Variants in SLC25A26 observed in about 807,000 individuals in gnomAD.
The protein encoded by SLC25A26 is solute carrier family 25 member 26.
SLC25A26 carries 36 observed loss-of-function variants against 37.8 expected under a neutral mutation model. The ratio of observed to expected loss-of-function variants is 0.95; its 90% CI spans 0.73 to 1.26. SLC25A26 has a LOEUF of 1.26. Among genes scored for constraint, SLC25A26 ranks in the 50% most tolerant of loss-of-function variants. SLC25A26 has a pLI of 0.00. For synonymous variants in SLC25A26, 129 were observed against 122.5 expected, an observed-to-expected ratio of 1.05 and a Z score of -0.35; for missense variants, 390 against 331.1, an observed-to-expected ratio of 1.18 and a Z score of -1.38.
At chr3:66,273,147 T>G (rs947600567) in intron 5 of SLC25A26, among the ~76,000 whole-genome samples, 1 of 152,106 alleles carries the variant, frequency 6.6e-6, no homozygotes, top group Non-Finnish European at 1.5e-5. Flanking sequence ...TGAAGCCCAC[T>G]TGATCATGGT....
At chr3:66,348,163 A>G (rs1262407813) in intron 6 of SLC25A26, among the ~76,000 whole-genome samples, 6 of 152,228 alleles carry the variant, frequency 3.9e-5, no homozygotes, top group Admixed American at 6.5e-5. Context: ...AGACATTTTA[A>G]AAAGCCTACA....
At chr3:66,156,134 G>C (rs924287580) in intron 1 of SLC25A26, among the ~76,000 whole-genome samples, 1 of 152,100 alleles carries the variant, frequency 6.6e-6, no homozygotes, top group African/African-American at 2.4e-5. Flanking sequence ...ATTCCAACAG[G>C]GAGGATTGGA....
At chr3:66,345,222 CCT>C (rs1438189960) in intron 5 of SLC25A26, among the ~76,000 whole-genome samples, 1 of 152,126 alleles carries the variant, frequency 6.6e-6, no homozygotes, top group African/African-American at 2.4e-5. Flanking sequence ...CCCACGTCCC[CCT>C]GTGTTTTGTT....
At chr3:66,303,530 C>CT (rs997980738) in intron 5 of SLC25A26, among the ~76,000 whole-genome samples, 18 of 152,302 alleles carry the variant, frequency 1.2e-4, no homozygotes, top group African/African-American at 4.3e-4. Flanking sequence ...ACTTCTGAAA[C>CT]TTTAACTGCC....
intron 1 of SLC25A26, among the ~76,000 whole-genome samples, chr3:66,185,272 A>G (rs2070804138): frequency 6.6e-6 from 1 of 152,226 alleles, no homozygotes; most frequent in Admixed American, 6.5e-5. Context: ...TCCATGTAGT[A>G]GCATGTGTCA....
At chr3:66,293,663 A>G (rs1488956886) in intron 5 of SLC25A26, among the ~76,000 whole-genome samples, 1 of 152,160 alleles carries the variant, frequency 6.6e-6, no homozygotes, top group Non-Finnish European at 1.5e-5. Context: ...TTTCTGCATT[A>G]GTTTGCAAAG....
chr3:66,139,918 T>C (rs1439577788), intron 1 of SLC25A26, among the ~76,000 whole-genome samples: 1 of 152,218 alleles, frequency 6.6e-6, no homozygotes, highest in Non-Finnish European at 1.5e-5. Flanking sequence ...AAGCTTAACC[T>C]AATAGATGTT....
chr3:66,134,153 A>T (rs959209020), intron 1 of SLC25A26, among the ~76,000 whole-genome samples: 2 of 152,190 alleles, frequency 1.3e-5, no homozygotes, highest in African/African-American at 4.8e-5. Context: ...AACTAGTTTG[A>T]CTTGGTCTTT....
chr3:66,208,733 CATTTATATGGGTGTATATATAT>C (rs2071216791), intron 1 of SLC25A26, among the ~76,000 whole-genome samples: 3 of 138,526 alleles, frequency 2.2e-5, no homozygotes, highest in Non-Finnish European at 3.1e-5. Context: ...TATATATACA[CATTTATATGGGTGTATATATAT>C]ATTTATATGG....
At chr3:66,179,364 T>C (rs1487440168) in intron 1 of SLC25A26, among the ~76,000 whole-genome samples, 1 of 152,240 alleles carries the variant, frequency 6.6e-6, no homozygotes, top group Non-Finnish European at 1.5e-5. Context: ...AGTCTTGCTG[T>C]ATCTTCAGAC....
intron 1 of SLC25A26, among the ~76,000 whole-genome samples, chr3:66,141,603 C>A (rs2070035829): frequency 6.6e-6 from 1 of 151,988 alleles, no homozygotes; most frequent in Non-Finnish European, 1.5e-5. Context: ...GCCTCCACTT[C>A]CTGGGTTCAA....
At chr3:66,276,163 AATT>A (rs1360326170) in intron 5 of SLC25A26, among the ~76,000 whole-genome samples, 1 of 152,122 alleles carries the variant, frequency 6.6e-6, no homozygotes, top group Non-Finnish European at 1.5e-5. Context: ...TTTGAATACT[AATT>A]ATGATTGTTA....
chr3:66,172,594 T>A (rs1203575468), intron 1 of SLC25A26, among the ~76,000 whole-genome samples: 5 of 152,142 alleles, frequency 3.3e-5, no homozygotes, highest in Admixed American at 6.5e-5. Context: ...GCCTGGCTGG[T>A]TTAAACAACA....
chr3:66,254,621 G>GT (rs2073229609), intron 3 of SLC25A26, among the ~76,000 whole-genome samples: 1 of 152,246 alleles, frequency 6.6e-6, no homozygotes, highest in East Asian at 1.9e-4. Context: ...CATTAGATGT[G>GT]TGTAAGTATG....
intron 5 of SLC25A26, among the ~76,000 whole-genome samples, chr3:66,266,576 C>CTT (rs1004250488): frequency 0.02 from 2,260 of 111,494 alleles, 40 homozygotes; most frequent in Admixed American, 0.031. Flanking sequence ...TGTTGTCACA[C>CTT]TTTTTTTTTT....
intron 1 of SLC25A26, among the ~76,000 whole-genome samples, chr3:66,229,516 G>A (rs534200958): frequency 3.3e-5 from 5 of 152,250 alleles, no homozygotes; most frequent in African/African-American, 9.6e-5. Context: ...TAAGTGTCTC[G>A]CATTTCCCCT....
chr3:66,202,554 G>GA (rs1376290729), intron 1 of SLC25A26, among the ~76,000 whole-genome samples: 3 of 129,774 alleles, frequency 2.3e-5, no homozygotes, highest in South Asian at 2.5e-4. Context: ...AAAAAGGAAA[G>GA]AAAAAAATCT....
upstream of SLC25A26, among the ~76,000 whole-genome samples, chr3:66,216,258 C>T (rs2071359448): frequency 6.6e-6 from 1 of 152,054 alleles, no homozygotes; most frequent in South Asian, 2.1e-4. Context: ...CGCAGTGGCT[C>T]CCACTTATAA....
In SLC25A26 at chr3:66,361,820, A is replaced by C. The variant is rs536096016; in HGVS notation, c.499-1040A>C. Reference sequence around the variant, plus strand: ...GTCTAGGACTAAAAATACAAAAATTAGCCGGGCGTGTTGGCAGGCGCCTGT... The same window carrying C: ...GTCTAGGACTAAAAATACAAAAATTCGCCGGGCGTGTTGGCAGGCGCCTGT... On this transcript the variant is annotated intron_variant, in intron 6 of 9. Transcript: ENST00000354883. 2.0e-4 allele frequency among the ~76,000 whole-genome samples: 31 copies of C among 152,254 alleles called. 1 individual carries two copies. In the South Asian group the frequency reaches 3.9e-3, roughly 19 times the overall value.
Sources: gnomAD v4.1 joint callset for allele counts (sites outside exome capture counted in the v4.1 genomes callset) on GRCh38, gnomAD v4.1.1 for gene constraint, MANE v1.5 for transcripts, NCBI Gene and HGNC (gene_info 2026-07-23, HGNC 2026-07-21) for gene names.